Variants in ZNF782 observed in about 807,000 individuals in gnomAD.
The protein encoded by ZNF782 is zinc finger protein 782.
Under a neutral mutation model 13.0 loss-of-function variants are expected in ZNF782, and 12 were observed. That is an observed-to-expected ratio of 0.92 (90% CI 0.59 to 1.50). The LOEUF is 1.50. ZNF782 is among the 40% of genes most tolerant of loss of function. The pLI is 0.00. For missense variants in ZNF782, 770 were observed against 822.9 expected, an observed-to-expected ratio of 0.94 and a Z score of 0.79; for synonymous variants, 284 against 283.0, an observed-to-expected ratio of 1.00 and a Z score of -0.04.
intron 4 of ZNF782, among the ~76,000 whole-genome samples, chr9:96,834,222 C>A (rs902256443): frequency 3.3e-5 from 5 of 152,190 alleles, no homozygotes; most frequent in African/African-American, 1.2e-4. Flanking sequence ...CGGTTTCCCC[C>A]ATCCTATTCT....
intron 5 of ZNF782, among the ~76,000 whole-genome samples, chr9:96,826,482 T>C (rs1419668000): frequency 6.6e-6 from 1 of 152,226 alleles, no homozygotes; most frequent in Non-Finnish European, 1.5e-5. Flanking sequence ...CGCACCAGCA[T>C]GGCACATGTA....
upstream of ZNF782, among the ~76,000 whole-genome samples, chr9:96,856,060 C>T (rs137965182): frequency 5.1e-3 from 770 of 152,174 alleles, 4 homozygotes; most frequent in Middle Eastern, 0.01. Flanking sequence ...ATTGTCTATT[C>T]ATGTCCTTAG....
intron 4 of ZNF782, among the ~76,000 whole-genome samples, chr9:96,831,504 T>C (rs985316787): frequency 2.0e-5 from 3 of 152,050 alleles, no homozygotes; most frequent in Admixed American, 2.0e-4. Context: ...GGTCTGGAGA[T>C]TGAGACCATC....
the ZNF782 span, among the ~76,000 whole-genome samples, chr9:96,920,557 C>T: frequency 2.7e-5 from 4 of 149,040 alleles, no homozygotes; most frequent in East Asian, 2.1e-4. Flanking sequence ...TGAGCCACCG[C>T]GCCCAGCCCA....
chr9:96,903,556 G>GTTTTTTTTTTTTTTTT, the ZNF782 span, among the ~76,000 whole-genome samples: 3 of 75,462 alleles, frequency 4.0e-5, no homozygotes, highest in Non-Finnish European at 6.5e-5. Context: ...TTTTATGTTG[G>GTTTTTTTTTTTTTTTT]TTTTTTTTTT....
At chr9:96,866,425 A>G (rs7853099) in intron 1 of ZNF782, among the ~76,000 whole-genome samples, 13,337 of 152,198 alleles carry the variant, frequency 0.088, 1,498 homozygotes, top group African/African-American at 0.26. Flanking sequence ...CACAGAAGTC[A>G]AGAATTGAAG....
the ZNF782 span, among the ~76,000 whole-genome samples, chr9:96,904,074 G>C: frequency 1.4e-4 from 21 of 146,772 alleles, no homozygotes; most frequent in African/African-American, 5.1e-4. Context: ...TGATGGTGTG[G>C]TGTCTCACTA....
the ZNF782 span, among the ~76,000 whole-genome samples, chr9:96,898,288 C>T: frequency 1.3e-5 from 2 of 148,914 alleles, no homozygotes; most frequent in Non-Finnish European, 2.9e-5. Context: ...CCGTACCCAT[C>T]AAGCAGTCAC....
chr9:96,932,896 G>A, the ZNF782 span, among the ~76,000 whole-genome samples: 27 of 151,066 alleles, frequency 1.8e-4, no homozygotes, highest in Non-Finnish European at 1.0e-4. Flanking sequence ...TGATCTGCCC[G>A]CCTCAGCCTC....
chr9:96,843,297 T>C (rs1013241268), intron 4 of ZNF782, among the ~76,000 whole-genome samples: 1 of 152,178 alleles, frequency 6.6e-6, no homozygotes, highest in African/African-American at 2.4e-5. Context: ...TGTCCTTTAA[T>C]AGGTGAATGG....
rs1358150854 is a variant in ZNF782 at position 96,816,985 on chromosome 9, C to T, written c.*938G>A. The T allele has an allele frequency of 1.3e-5, 2 of 152,176 alleles. No homozygotes were observed. Among genetic ancestry groups the T allele is most frequent in the Non-Finnish European group, 2.9e-5 (2 of 68,036 alleles). 9.4% of individuals were successfully genotyped at this position (152,176 alleles called of 1,614,324 possible). On this transcript the variant is annotated 3_prime_UTR_variant, in exon 6 of 6. Coordinates refer to ENST00000481138, the MANE Select transcript of ZNF782 (RefSeq NM_001001662.3). ...TCTGTCAGTATCAAGTATACCCAAA[C>T]CTTTAGAAGTTCAGCAGGGAACACA...
At chr9:96,894,716 GCTTT>G in the ZNF782 span, 35 of 152,072 alleles carry the variant, frequency 2.3e-4, no homozygotes, top group African/African-American at 8.2e-4. Flanking sequence ...AAGAGGACAT[GCTTT>G]CTTTTTCTAT....
the ZNF782 span, among the ~76,000 whole-genome samples, chr9:96,897,560 G>C: frequency 6.6e-5 from 10 of 151,582 alleles, no homozygotes; most frequent in Non-Finnish European, 1.3e-4. Context: ...TGCATTTCTT[G>C]ATATAAATCA....
At chr9:96,872,282 T>C (rs1175435026) in intron 1 of ZNF782, among the ~76,000 whole-genome samples, 1 of 152,186 alleles carries the variant, frequency 6.6e-6, no homozygotes, top group East Asian at 1.9e-4. Flanking sequence ...CCTGTAATCC[T>C]AGCACTTTGG....
intron 3 of ZNF782, among the ~76,000 whole-genome samples, chr9:96,846,175 T>A (rs879548640): frequency 1.3e-5 from 2 of 152,180 alleles, no homozygotes; most frequent in Non-Finnish European, 2.9e-5. Flanking sequence ...AAACCAGCAC[T>A]ATGAGAAATG....
upstream of ZNF782, among the ~76,000 whole-genome samples, chr9:96,859,377 CG>C (rs1460168213): frequency 6.6e-6 from 1 of 152,004 alleles, no homozygotes; most frequent in East Asian, 1.9e-4. Context: ...CTCTTTCTTC[CG>C]CTTGAGGAGA....
At chr9:96,830,380 C>G (rs1850758723) in intron 4 of ZNF782, among the ~76,000 whole-genome samples, 1 of 152,092 alleles carries the variant, frequency 6.6e-6, no homozygotes, top group African/African-American at 2.4e-5. Flanking sequence ...CCCCTGCCCC[C>G]CAGTGTCAGT....
chr9:96,890,893 A>G, the ZNF782 span: 2 of 152,236 alleles, frequency 1.3e-5, no homozygotes, highest in African/African-American at 4.8e-5. Flanking sequence ...ATGTGCATCA[A>G]CTGATGAATG....
chr9:96,921,821 C>A, the ZNF782 span, among the ~76,000 whole-genome samples: 1 of 151,114 alleles, frequency 6.6e-6, no homozygotes, highest in African/African-American at 2.4e-5. Context: ...AGCCTCCCAA[C>A]TAGCTGGGAT....
Sources: allele counts gnomAD v4.1 joint callset (sites outside exome capture counted in the v4.1 genomes callset), GRCh38; gene constraint gnomAD v4.1.1; transcripts MANE v1.5; gene names NCBI Gene and HGNC (gene_info 2026-07-23, HGNC 2026-07-21).